NLRC5: variants seen among roughly 807,000 people sequenced by gnomAD.
The protein encoded by NLRC5 is NLR family CARD domain containing 5, also known as protein NLRC5.
In NLRC5, 114 loss-of-function variants were observed where a neutral mutation model predicts 206.9. That is an observed-to-expected ratio of 0.55 (90% CI 0.47 to 0.64). The LOEUF (loss-of-function observed/expected upper bound fraction) is 0.64, where lower values mean the gene tolerates loss of function less well. Among genes scored for constraint, NLRC5 ranks in the 30% least tolerant of loss-of-function variants. The pLI, the probability that NLRC5 is intolerant of heterozygous loss-of-function variation, is 0.00. For synonymous variants in NLRC5, 952 were observed against 962.8 expected (o/e 0.99, Z 0.21); for missense variants, 2,008 against 2,305.5 (o/e 0.87, Z 2.64).
chr16:57,008,396 TA>T (rs2059149654), intron 1 of NLRC5, among the ~76,000 whole-genome samples: 1 of 152,266 alleles, frequency 6.6e-6, no homozygotes, highest in Non-Finnish European at 1.5e-5. Flanking sequence ...TTTCATGGTT[TA>T]ACTTCTTACA....
At chr16:57,007,336 G>A (rs536756199) in intron 1 of NLRC5, among the ~76,000 whole-genome samples, 5 of 152,310 alleles carry the variant, frequency 3.3e-5, no homozygotes, top group South Asian at 4.1e-4. Context: ...ATATCCTTGC[G>A]AATCTAATAG....
intron 39 of NLRC5, among the ~76,000 whole-genome samples, chr16:57,076,364 G>T (rs1034039486): frequency 6.6e-6 from 1 of 152,228 alleles, no homozygotes; most frequent in Admixed American, 6.5e-5. Flanking sequence ...ACAATACCCT[G>T]GGTTTAAGGA....
intron 38 of NLRC5, among the ~76,000 whole-genome samples, chr16:57,072,162 C>G (rs987423695): frequency 3.3e-5 from 5 of 152,192 alleles, no homozygotes; most frequent in Admixed American, 6.5e-5. Flanking sequence ...ACACTTCACT[C>G]TGGCCCTTAC....
In NLRC5 at chr16:57,030,579, G is replaced by A. The variant is rs190855409; in HGVS notation, c.2417+495G>A. Among the ~76,000 whole-genome samples the A allele has an allele frequency of 2.0e-5, 3 of 151,820 alleles. No individual in the cohort carries two copies. In the East Asian group the frequency reaches 5.8e-4, roughly 30 times the overall value. ...GGATAGATGAATGGATGGATGGATA[G>A]ATGGCTAGCTGAAAAGATGGATAGG... is the stretch of plus-strand genomic sequence containing the variant. On this transcript the variant is annotated intron_variant, in intron 10 of 48. Coordinates refer to ENST00000688547, the MANE Select transcript of NLRC5 (RefSeq NM_001384950.1).
At chr16:57,047,657 G>T (rs771992240) in intron 23 of NLRC5, 29 bp downstream of exon 23, 1 of 1,585,180 alleles carries the variant, frequency 6.3e-7, no homozygotes, top group African/African-American at 1.3e-5. Flanking sequence ...GCCCCAGAGG[G>T]CACCATGTGG....
rs1448854043 is a variant in NLRC5, at chr16:57,080,554, G to A, written c.5322-544G>A. ...GGCTGGAGTGCAGTGGTGCAATCTC[G>A]GCTCACTGCAACCTCCACCTGCCGG... On this transcript the variant is annotated intron_variant, in intron 46 of 48. Transcript: ENST00000688547. Among the ~76,000 whole-genome samples, 5 of 134,232 alleles carry A rather than the reference G, an allele frequency of 3.7e-5. No individual in the cohort carries two copies. In the East Asian group the frequency reaches 8.8e-4, roughly 24 times the overall value. 88.1% of individuals were successfully genotyped at this position (134,232 alleles called of 152,430 possible).
At chr16:57,000,739 C>A (rs117975397) in intron 1 of NLRC5, among the ~76,000 whole-genome samples, 5 of 152,180 alleles carry the variant, frequency 3.3e-5, no homozygotes, top group African/African-American at 1.2e-4. Context: ...TCATCACTGA[C>A]TCACAGAAAT....
In NLRC5 at chr16:57,061,710, TC is replaced by T; in HGVS notation, c.4154+14del. The T allele has an allele frequency of 6.3e-7, 1 of 1,597,476 alleles. No individual in the cohort carries two copies. Among genetic ancestry groups the T allele is most frequent in the East Asian group, 2.2e-5 (1 of 44,772 alleles). ...GGGCTGTTCAGCCTCAGGTACCTCC[TC>T]CCCCGCTGCCTCCGGGAGGGGCCAT... On this transcript the variant is annotated intron_variant, in intron 32 of 48. Transcript: ENST00000688547.
intron 30 of NLRC5, among the ~76,000 whole-genome samples, chr16:57,060,572 A>G (rs1316341319): frequency 1.6e-4 from 24 of 151,434 alleles, no homozygotes; most frequent in African/African-American, 5.8e-4. Flanking sequence ...CAAACCCCCC[A>G]CATACATACC....
chr16:57,050,533 G>A (rs544050877), intron 23 of NLRC5, among the ~76,000 whole-genome samples: 2 of 147,258 alleles, frequency 1.4e-5, no homozygotes, highest in African/African-American at 4.8e-5. Context: ...GAAGGCAGAA[G>A]GAGAACATAG....
rs564402413 is a variant in NLRC5 at position 57,073,630 on chromosome 16, G to A, written c.4668-970G>A. Among the ~76,000 whole-genome samples, 5 of 152,282 alleles carry A rather than the reference G, an allele frequency of 3.3e-5. No individual in the cohort carries two copies. In the East Asian group the frequency reaches 7.7e-4, roughly 23 times the overall value. ...TTTATTTGAGACCCAGTCTCTCTCC[G>A]TTGCCCAGGCTGGAGTGCAGTGGCA... On this transcript the variant is annotated intron_variant, in intron 38 of 48. Coordinates refer to ENST00000688547, the MANE Select transcript of NLRC5 (RefSeq NM_001384950.1).
chr16:56,998,854 T>G (rs1392512816), intron 1 of NLRC5, among the ~76,000 whole-genome samples: 1 of 152,264 alleles, frequency 6.6e-6, no homozygotes, highest in Non-Finnish European at 1.5e-5. Context: ...CCAAACTTTA[T>G]TATGGCTGTC....
intron 36 of NLRC5, 93 bp from the exon 37 acceptor site, chr16:57,069,743 T>C (rs758766498): frequency 4.1e-6 from 4 of 981,566 alleles, no homozygotes; most frequent in Non-Finnish European, 6.3e-6. Flanking sequence ...GCCACATCCC[T>C]ACCCCACATC....
At chr16:57,079,029 C>T (rs764921459) in intron 43 of NLRC5, 21 bp from the exon 44 acceptor site, 1 of 1,610,418 alleles carries the variant, frequency 6.2e-7, no homozygotes, top group Non-Finnish European at 8.5e-7. Flanking sequence ...AGGCTCCTCT[C>T]ACCCTCTCCT....
intron 1 of NLRC5, chr16:57,013,166 G>C: frequency 2.8e-6 from 1 of 357,902 alleles, no homozygotes. Context: ...GAAAATTTAA[G>C]TCCTTTACCA....
intron 33 of NLRC5, 116 bp from the exon 34 acceptor site, chr16:57,066,418 G>A: frequency 1.2e-6 from 1 of 825,522 alleles, no homozygotes; most frequent in Non-Finnish European, 2.0e-6. Context: ...CCTGGCAGGG[G>A]AGAAGGGGAC....
At chr16:57,068,987 G>C (rs2067348756) in intron 36 of NLRC5, among the ~76,000 whole-genome samples, 1 of 152,258 alleles carries the variant, frequency 6.6e-6, no homozygotes, top group Non-Finnish European at 1.5e-5. Context: ...CACAGGTGAT[G>C]CTGTGTTATC....
intron 46 of NLRC5, among the ~76,000 whole-genome samples, chr16:57,080,615 G>T (rs893719918): frequency 6.6e-6 from 1 of 151,020 alleles, no homozygotes; most frequent in Admixed American, 6.6e-5. Context: ...CTCCTGAGTA[G>T]CTGGGATTAC....
chr16:57,041,456 T>TGCA (rs1435636701), intron 17 of NLRC5, 29 bp from the exon 18 acceptor site: 1 of 1,591,364 alleles, frequency 6.3e-7, no homozygotes, highest in Non-Finnish European at 8.6e-7. Flanking sequence ...CAGTGGGGCA[T>TGCA]GCAGCACTGT....
Sources: gnomAD v4.1 joint callset for allele counts (sites outside exome capture counted in the v4.1 genomes callset) on GRCh38, gnomAD v4.1.1 for gene constraint, MANE v1.5 for transcripts, NCBI Gene and HGNC (gene_info 2026-07-23, HGNC 2026-07-21) for gene names.